Variants in TRAK1 observed in about 807,000 individuals in gnomAD.
TRAK1 encodes trafficking kinesin-binding protein 1.
A neutral mutation model predicts 92.1 loss-of-function variants in TRAK1; 33 were observed. That is an observed-to-expected ratio of 0.36 (90% CI 0.27 to 0.48). TRAK1 has a LOEUF of 0.48. Ranked by LOEUF, TRAK1 falls within the 20% of genes least tolerant of loss-of-function variation. The probability of loss-of-function intolerance (pLI) is 0.99; values close to 1 mark genes in which losing one functional copy is unlikely to be tolerated. For missense variants in TRAK1, 1,123 were observed against 1,257.9 expected, an observed-to-expected ratio of 0.89 and a Z score of 1.62; for synonymous variants, 521 against 517.3, an observed-to-expected ratio of 1.01 and a Z score of -0.10.
chr3:42,114,711 A>AT (rs1015032029), intron 1 of TRAK1, among the ~76,000 whole-genome samples: 3 of 151,322 alleles, frequency 2.0e-5, no homozygotes, highest in South Asian at 2.1e-4. Context: ...AACATACTTA[A>AT]TTTTTTTTTC....
intron 7 of TRAK1, 116 bp from the exon 8 acceptor site, chr3:42,192,959 C>T: frequency 6.9e-7 from 1 of 1,458,354 alleles, no homozygotes; most frequent in Non-Finnish European, 9.3e-7. Flanking sequence ...CCCCACTCTA[C>T]CCTGTCTTTT....
intron 2 of TRAK1, among the ~76,000 whole-genome samples, chr3:42,168,753 G>A (rs1257652378): frequency 6.6e-6 from 1 of 151,980 alleles, no homozygotes; most frequent in Non-Finnish European, 1.5e-5. Flanking sequence ...TTTATTTTTT[G>A]TAGAGATGGG....
At chr3:42,209,407 CT>C (rs1708707887) in intron 13 of TRAK1, among the ~76,000 whole-genome samples, 2 of 152,156 alleles carry the variant, frequency 1.3e-5, no homozygotes, top group South Asian at 4.1e-4. Flanking sequence ...CATTTTCCCC[CT>C]TCCATTTTGT....
chr3:42,152,367 A>G (rs1378148431), intron 2 of TRAK1, among the ~76,000 whole-genome samples: 1 of 152,226 alleles, frequency 6.6e-6, no homozygotes, highest in African/African-American at 2.4e-5. Context: ...CAGAATTTGC[A>G]CATACATACT....
At chr3:42,102,968 T>C (rs1162394810) in intron 1 of TRAK1, among the ~76,000 whole-genome samples, 1 of 152,226 alleles carries the variant, frequency 6.6e-6, no homozygotes, top group Non-Finnish European at 1.5e-5. Flanking sequence ...TTCATTGAGA[T>C]ATAATTCATG....
intron 1 of TRAK1, among the ~76,000 whole-genome samples, chr3:42,117,113 G>GC (rs1463963349): frequency 6.6e-6 from 1 of 152,080 alleles, no homozygotes; most frequent in Non-Finnish European, 1.5e-5. Flanking sequence ...AGTGGCGGCT[G>GC]CCCCCCAGAC....
At chr3:42,135,637 C>T (rs576532518) in intron 2 of TRAK1, among the ~76,000 whole-genome samples, 3 of 152,324 alleles carry the variant, frequency 2.0e-5, no homozygotes, top group East Asian at 1.9e-4. Flanking sequence ...GTTTTACTTT[C>T]GGCCTGTGTT....
chr3:42,098,050 T>C (rs9851708), intron 1 of TRAK1, among the ~76,000 whole-genome samples: 104,377 of 150,962 alleles, frequency 0.69, 36,294 homozygotes, highest in South Asian at 0.81. Flanking sequence ...TCTTCTCTCC[T>C]CCATCTCTCC....
At chr3:42,165,016 CT>C (rs1199962843) in intron 2 of TRAK1, among the ~76,000 whole-genome samples, 1 of 152,142 alleles carries the variant, frequency 6.6e-6, no homozygotes, top group Non-Finnish European at 1.5e-5. Context: ...AGAAGCCTGA[CT>C]TTGTAATTTC....
chr3:42,218,311 C>T (rs1709934988), intron 14 of TRAK1: 2 of 985,124 alleles, frequency 2.0e-6, no homozygotes, highest in East Asian at 1.1e-4. Context: ...AGAAAATATA[C>T]CATAAGGAGC....
intron 2 of TRAK1, among the ~76,000 whole-genome samples, chr3:42,176,579 A>G (rs868241343): frequency 6.6e-6 from 1 of 152,162 alleles, no homozygotes. Flanking sequence ...CAGACACACA[A>G]TGTCAAGGTT....
chr3:42,051,107 A>G (rs957232921), intron 1 of TRAK1: 17 of 152,244 alleles, frequency 1.1e-4, no homozygotes, highest in African/African-American at 4.1e-4. Context: ...GGGCACAAGC[A>G]GTCTACCTGC....
rs992484667 is a variant in TRAK1, at chr3:42,224,168, G to A, written c.*431G>A. On this transcript the variant is annotated 3_prime_UTR_variant, in exon 16 of 16. Coordinates refer to ENST00000327628, the MANE Select transcript of TRAK1 (RefSeq NM_001042646.3). ...GCGGCACGGGTCATAACACATCTGG[G>A]TGTCATCGGACACCTCACCTCGCCC... 4.5e-6 allele frequency: 2 copies of A among 445,474 alleles called. No individual in the cohort carries two copies. Among genetic ancestry groups the A allele is most frequent in the Admixed American group, 2.5e-5 (1 of 39,602 alleles). The allele number at this position is 445,474 out of a possible 1,614,324, so 27.6% of individuals were successfully genotyped here.
At position 42,026,649 on chromosome 3, in the gene TRAK1, C is replaced by T. The variant is rs181337992; in HGVS notation, c.-519+12532C>T. Among the ~76,000 whole-genome samples the T allele has an allele frequency of 6.3e-3, 951 of 151,982 alleles. 10 individuals carry two copies. The highest frequency in any genetic ancestry group is 8.3e-3 in the Admixed American group (126 of 15,256). Reference sequence around the variant, plus strand: ...AAGTGATTCTCCTGCCTCAGCCTCCCGAGTAGCTGAGACTACAGGCACGTG... The same window carrying T: ...AAGTGATTCTCCTGCCTCAGCCTCCTGAGTAGCTGAGACTACAGGCACGTG... On this transcript the variant is annotated intron_variant, in intron 1 of 16. Transcript: ENST00000487159.
intron 15 of TRAK1, 134 bp downstream of exon 15, chr3:42,219,730 T>A (rs1254808551): frequency 1.2e-6 from 1 of 859,884 alleles, no homozygotes; most frequent in Admixed American, 2.3e-5. Flanking sequence ...TGTAAGCATC[T>A]CAGCATTTGC....
At chr3:42,129,048 C>A (rs9756343) in intron 2 of TRAK1, among the ~76,000 whole-genome samples, 1,820 of 152,282 alleles carry the variant, frequency 0.012, 38 homozygotes, top group African/African-American at 0.041. Flanking sequence ...CCTTTTCAGT[C>A]CTTTGTATTT....
At chr3:42,091,793 C>T (rs539406583) in intron 1 of TRAK1, among the ~76,000 whole-genome samples, 8 of 152,100 alleles carry the variant, frequency 5.3e-5, no homozygotes, top group Non-Finnish European at 1.0e-4. Context: ...GTCCCCTTGT[C>T]CCCTTGCCCA....
intron 1 of TRAK1, among the ~76,000 whole-genome samples, chr3:42,049,059 T>G (rs538088039): frequency 1.3e-5 from 2 of 152,206 alleles, no homozygotes; most frequent in African/African-American, 4.8e-5. Context: ...AGGTATTTTT[T>G]GGGGTTTTTA....
In TRAK1 at chr3:42,202,911, T is replaced by C; in HGVS notation, c.1744+159T>C. 2 of 1,440,576 alleles carry C rather than the reference T, an allele frequency of 1.4e-6. No homozygotes were observed. Among genetic ancestry groups the C allele is most frequent in the South Asian group, 1.5e-5 (1 of 68,508 alleles). 89.2% of individuals were successfully genotyped at this position (1,440,576 alleles called of 1,614,324 possible). On this transcript the variant is annotated intron_variant, in intron 13 of 15. Coordinates refer to ENST00000327628, the MANE Select transcript of TRAK1 (RefSeq NM_001042646.3). This position sits in a 1 kb window ranked among gnomAD's most constrained non-coding sequence, Gnocchi z 6.1. The stretch of plus-strand genomic sequence containing the variant: ...GTTTGAGTTCCTCTGAGGGTGGTGC[T>C]CAGCCTAGGCCTCCGTCCCTCCCCT...
Sources: allele counts gnomAD v4.1 joint callset (sites outside exome capture counted in the v4.1 genomes callset), GRCh38; gene constraint gnomAD v4.1.1; non-coding constraint Gnocchi (gnomAD v3.1); transcripts MANE v1.5; gene names NCBI Gene and HGNC (gene_info 2026-07-23, HGNC 2026-07-21).